AGBL4: variants seen among roughly 807,000 people sequenced by gnomAD.
The protein encoded by AGBL4 is AGBL carboxypeptidase 4.
AGBL4 carries 58 observed loss-of-function variants against 66.4 expected under a neutral mutation model. The ratio of observed to expected loss-of-function variants is 0.87; its 90% confidence interval spans 0.71 to 1.09. The LOEUF is 1.09. AGBL4 is among the 50% of genes least tolerant of loss of function. The pLI is 0.00. For missense variants in AGBL4, 579 were observed against 631.0 expected (o/e 0.92, Z 0.88); for synonymous variants, 234 against 222.9 (o/e 1.05, Z -0.44).
intron 3 of AGBL4, among the ~76,000 whole-genome samples, chr1:49,464,401 G>A (rs1646581376): frequency 6.6e-6 from 1 of 151,742 alleles, no homozygotes; most frequent in African/African-American, 2.4e-5. Flanking sequence ...TACAAGATGA[G>A]GGTAGGAACT....
chr1:49,936,203 G>T (rs1653991658), intron 1 of AGBL4, among the ~76,000 whole-genome samples: 1 of 152,152 alleles, frequency 6.6e-6, no homozygotes, highest in African/African-American at 2.4e-5. Context: ...GAAGCCTCAG[G>T]AGCCGATGCG....
intron 4 of AGBL4, among the ~76,000 whole-genome samples, chr1:49,118,717 G>A (rs984571267): frequency 6.6e-6 from 1 of 152,180 alleles, no homozygotes; most frequent in Non-Finnish European, 1.5e-5. Flanking sequence ...CTCATAAAAT[G>A]AGTTAGGGAG....
At chr1:49,396,564 T>C (rs1644979919) in intron 3 of AGBL4, among the ~76,000 whole-genome samples, 1 of 152,146 alleles carries the variant, frequency 6.6e-6, no homozygotes, top group Non-Finnish European at 1.5e-5. Context: ...ATAAATGACA[T>C]TCAACATGTA....
intron 5 of AGBL4, among the ~76,000 whole-genome samples, chr1:49,032,606 C>T (rs1417118036): frequency 6.6e-6 from 1 of 152,116 alleles, no homozygotes; most frequent in Admixed American, 6.6e-5. Context: ...AGAACTGGGA[C>T]ATTCTGGTAG....
rs1005013863 is a variant in AGBL4 at position 48,613,066 on chromosome 1, G to A, written c.951+21427C>T. ...GGAGAATTTCTTGAACTAAGGAGGC[G>A]GAGGTTGCAGTGAACCGAGATTGCA... On this transcript the variant is annotated intron_variant, in intron 9 of 13. Transcript: ENST00000371839. 1.6e-4 allele frequency among the ~76,000 whole-genome samples: 24 copies of A among 152,158 alleles called. 1 individual carries two copies. Among genetic ancestry groups the A allele is most frequent in the Non-Finnish European group, 2.4e-4 (16 of 68,000 alleles).
intron 3 of AGBL4, among the ~76,000 whole-genome samples, chr1:49,576,607 A>G (rs1052047262): frequency 1.3e-5 from 2 of 152,136 alleles, no homozygotes; most frequent in African/African-American, 4.8e-5. Flanking sequence ...GTGCATTCTG[A>G]CTCATCTAGC....
rs142745103 is a variant in AGBL4 at position 49,774,863 on chromosome 1, C to A, written c.157+76533G>T. The stretch of plus-strand genomic sequence containing the variant: ...ATAAAAATATACATACCCTTTGACT[C>A]AGCAACACCACTTTTAGGAACATAA... On this transcript the variant is annotated intron_variant, in intron 2 of 13. Coordinates refer to ENST00000371839, the MANE Select transcript of AGBL4 (RefSeq NM_032785.4). 3.4e-3 allele frequency among the ~76,000 whole-genome samples: 513 copies of A among 152,242 alleles called. 1 individual carries two copies. The highest frequency in any genetic ancestry group is 0.012 in the African/African-American group (483 of 41,554).
At chr1:48,724,371 T>C (rs1226252952) in intron 6 of AGBL4, among the ~76,000 whole-genome samples, 1 of 152,230 alleles carries the variant, frequency 6.6e-6, no homozygotes, top group East Asian at 1.9e-4. Flanking sequence ...TAGCTCACTT[T>C]ACCCCTGTGT....
At chr1:48,966,717 G>A (rs186000459) in intron 5 of AGBL4, among the ~76,000 whole-genome samples, 2 of 152,122 alleles carry the variant, frequency 1.3e-5, no homozygotes, top group Admixed American at 1.3e-4. Flanking sequence ...AAGCCTGTAA[G>A]AGACTTTTTT....
chr1:48,647,866 C>T (rs981626179), intron 8 of AGBL4, among the ~76,000 whole-genome samples: 8 of 152,194 alleles, frequency 5.3e-5, no homozygotes, highest in African/African-American at 1.4e-4. Flanking sequence ...TACACTGGTT[C>T]AGCCCATCAT....
chr1:49,738,302 T>A (rs1439342407), intron 2 of AGBL4, among the ~76,000 whole-genome samples: 2 of 152,162 alleles, frequency 1.3e-5, no homozygotes, highest in Non-Finnish European at 2.9e-5. Flanking sequence ...GGAGCCCCGC[T>A]CATTGCTAGC....
chr1:49,182,324 A>T (rs918405006), intron 4 of AGBL4, among the ~76,000 whole-genome samples: 1 of 152,236 alleles, frequency 6.6e-6, no homozygotes, highest in African/African-American at 2.4e-5. Flanking sequence ...TACCATTCAT[A>T]GGCTAGGATT....
intron 3 of AGBL4, among the ~76,000 whole-genome samples, chr1:49,356,002 A>G (rs1281008638): frequency 6.6e-6 from 1 of 152,168 alleles, no homozygotes; most frequent in Non-Finnish European, 1.5e-5. Flanking sequence ...AGTCTTTACT[A>G]CAATGAAGAA....
chr1:48,538,698 T>C (rs1348307321), intron 12 of AGBL4, among the ~76,000 whole-genome samples: 1 of 152,250 alleles, frequency 6.6e-6, no homozygotes, highest in Admixed American at 6.5e-5. Flanking sequence ...TAATACAATG[T>C]ACACAAAGTA....
intron 3 of AGBL4, among the ~76,000 whole-genome samples, chr1:49,379,841 T>G (rs546936739): frequency 6.6e-6 from 1 of 152,140 alleles, no homozygotes; most frequent in African/African-American, 2.4e-5. Flanking sequence ...TAAAATTCTC[T>G]TTTTTGGTTG....
chr1:48,838,952 A>C (rs1646740945), intron 6 of AGBL4, among the ~76,000 whole-genome samples: 1 of 152,174 alleles, frequency 6.6e-6, no homozygotes, highest in South Asian at 2.1e-4. Context: ...TATCAGGGAA[A>C]TGCAAATCAA....
chr1:48,919,742 T>C (rs1557461545), intron 5 of AGBL4, among the ~76,000 whole-genome samples: 1 of 152,130 alleles, frequency 6.6e-6, no homozygotes, highest in Non-Finnish European at 1.5e-5. Flanking sequence ...TCCTCTCAAG[T>C]GTTGACAATC....
At chr1:49,065,180 G>A (rs1226809652) in intron 4 of AGBL4, among the ~76,000 whole-genome samples, 1 of 152,144 alleles carries the variant, frequency 6.6e-6, no homozygotes, top group East Asian at 1.9e-4. Context: ...ATATCACACA[G>A]CTAGTCAATG....
intron 3 of AGBL4, among the ~76,000 whole-genome samples, chr1:49,618,904 G>A (rs992516421): frequency 5.9e-5 from 9 of 152,106 alleles, no homozygotes; most frequent in South Asian, 2.1e-4. Context: ...AAATACCTTC[G>A]ATAAAATTCA....
Sources: gnomAD v4.1 joint callset for allele counts (sites outside exome capture counted in the v4.1 genomes callset) on GRCh38, gnomAD v4.1.1 for gene constraint, MANE v1.5 for transcripts, NCBI Gene and HGNC (gene_info 2026-07-23, HGNC 2026-07-21) for gene names.